The following ACBD6 variants were observed in gnomAD, a reference collection of about 807,000 sequenced individuals.
ACBD6 encodes acyl-CoA-binding domain-containing protein 6.
ACBD6 carries 28 observed loss-of-function variants against 37.2 expected under a neutral mutation model. That is an observed-to-expected ratio of 0.75 (90% CI 0.56 to 1.03). The LOEUF (loss-of-function observed/expected upper bound fraction) is 1.03, where lower values mean the gene tolerates loss of function less well. Among genes scored for constraint, ACBD6 ranks in the 50% least tolerant of loss-of-function variants. ACBD6 has a pLI of 0.00. For missense variants in ACBD6, 340 were observed against 337.4 expected (o/e 1.01, Z -0.06); for synonymous variants, 113 against 126.8 (o/e 0.89, Z 0.73).
intron 7 of ACBD6, among the ~76,000 whole-genome samples, chr1:180,312,642 A>G (rs913276381): frequency 2.0e-5 from 3 of 152,220 alleles, no homozygotes; most frequent in African/African-American, 7.2e-5. Flanking sequence ...AAAATGCTTC[A>G]CACATTCCAT....
At chr1:180,392,833 T>C (rs1192452977) in intron 6 of ACBD6, among the ~76,000 whole-genome samples, 1 of 152,120 alleles carries the variant, frequency 6.6e-6, no homozygotes, top group Admixed American at 6.5e-5. Context: ...GCAGGGCTAG[T>C]CTATAAACCG....
chr1:180,441,221 C>A (rs575244892), intron 3 of ACBD6, among the ~76,000 whole-genome samples: 1 of 152,240 alleles, frequency 6.6e-6, no homozygotes, highest in East Asian at 1.9e-4. Flanking sequence ...TTTTTTATTG[C>A]GGACACCCTA....
chr1:180,496,424 C>G (rs1363449735), intron 1 of ACBD6, among the ~76,000 whole-genome samples: 2 of 152,144 alleles, frequency 1.3e-5, no homozygotes, highest in African/African-American at 4.8e-5. Flanking sequence ...ATCCACAGAA[C>G]CTATCTACTT....
At chr1:180,345,376 G>C (rs1301904618) in intron 6 of ACBD6, among the ~76,000 whole-genome samples, 3 of 152,094 alleles carry the variant, frequency 2.0e-5, no homozygotes, top group Non-Finnish European at 2.9e-5. Context: ...CTCCTCTACA[G>C]AAGGTGCTAT....
chr1:180,464,825 T>A (rs1289166544), intron 3 of ACBD6, among the ~76,000 whole-genome samples: 1 of 152,148 alleles, frequency 6.6e-6, no homozygotes, highest in Non-Finnish European at 1.5e-5. Flanking sequence ...ATGGTACTTG[T>A]ATAAAAACAG....
In ACBD6 at chr1:180,497,188, A is replaced by T. The variant is rs1651772636; in HGVS notation, c.223-1663T>A. ...AACTATTTTTGTTTTTTATCCAGAC[A>T]CTATCCAGTGGCAGAAACAAATGCC... On this transcript the variant is annotated intron_variant, in intron 1 of 7. Transcript: ENST00000367595. Among the ~76,000 whole-genome samples the T allele has an allele frequency of 2.0e-5, 3 of 152,210 alleles. No individual in the cohort carries two copies. The South Asian group carries it at 6.2e-4, about 32-fold the overall frequency.
chr1:180,323,407 T>C (rs575350687), intron 6 of ACBD6, among the ~76,000 whole-genome samples: 2 of 152,218 alleles, frequency 1.3e-5, no homozygotes, highest in South Asian at 4.1e-4. Context: ...TCTGTAAATA[T>C]CTGTTAGATT....
At chr1:180,289,038 TAAAAA>T (rs11353397) in intron 7 of ACBD6, among the ~76,000 whole-genome samples, 1 of 102,964 alleles carries the variant, frequency 9.7e-6, no homozygotes, top group Non-Finnish European at 2.1e-5. Flanking sequence ...CTACAGGAAC[TAAAAA>T]AAAAAAAAAA....
chr1:180,431,864 G>A (rs142914665), intron 3 of ACBD6, among the ~76,000 whole-genome samples: 15 of 152,224 alleles, frequency 9.9e-5, no homozygotes, highest in Non-Finnish European at 1.3e-4. Flanking sequence ...GGAAAATCTA[G>A]GTGATACTGG....
At chr1:180,304,057 C>T (rs551497864) in intron 7 of ACBD6, among the ~76,000 whole-genome samples, 11 of 150,860 alleles carry the variant, frequency 7.3e-5, no homozygotes, top group Admixed American at 2.0e-4. Context: ...AATTCAACAA[C>T]GCTTCATGCT....
At chr1:180,400,542 T>C (rs951949965) in intron 5 of ACBD6, among the ~76,000 whole-genome samples, 8 of 152,184 alleles carry the variant, frequency 5.3e-5, no homozygotes, top group Non-Finnish European at 1.0e-4. Context: ...TTAAACATAC[T>C]TGTAAATAAA....
chr1:180,387,290 C>T (rs1045135040), intron 6 of ACBD6, among the ~76,000 whole-genome samples: 7 of 152,132 alleles, frequency 4.6e-5, no homozygotes, highest in African/African-American at 1.7e-4. Flanking sequence ...TAAAGCATTG[C>T]TTTCTCCAGC....
intron 4 of ACBD6, among the ~76,000 whole-genome samples, chr1:180,420,814 G>T (rs1291034929): frequency 6.6e-6 from 1 of 151,922 alleles, no homozygotes; most frequent in African/African-American, 2.4e-5. Flanking sequence ...AGTTTTATAG[G>T]TAAGTATAGT....
chr1:180,287,188 G>A (rs903905168), downstream of ACBD6: 26 of 64,668 alleles, frequency 4.0e-4, no homozygotes, highest in Admixed American at 8.4e-4. Context: ...ACTGCTTGAG[G>A]CCAGGAGTTT....
intron 3 of ACBD6, among the ~76,000 whole-genome samples, chr1:180,442,587 T>A (rs1649323486): frequency 6.6e-6 from 1 of 152,218 alleles, no homozygotes; most frequent in Non-Finnish European, 1.5e-5. Flanking sequence ...GGGTCTCCAA[T>A]TATATGAATG....
intron 6 of ACBD6, among the ~76,000 whole-genome samples, chr1:180,356,128 C>T (rs1652620644): frequency 6.6e-6 from 1 of 152,006 alleles, no homozygotes; most frequent in Admixed American, 6.6e-5. Context: ...GTGCCTCGGC[C>T]TCCCAAAGTG....
intron 3 of ACBD6, among the ~76,000 whole-genome samples, chr1:180,462,446 TC>T (rs1324322817): frequency 6.6e-6 from 1 of 152,018 alleles, no homozygotes; most frequent in East Asian, 1.9e-4. Context: ...ATCTTAAGTT[TC>T]CAACAGACTT....
At chr1:180,482,509 TA>T (rs11377292) in intron 3 of ACBD6, among the ~76,000 whole-genome samples, 421 of 139,830 alleles carry the variant, frequency 3.0e-3, no homozygotes, top group East Asian at 2.6e-3. Flanking sequence ...TCTAAGAAGT[TA>T]AAAAAAAAAA....
At chr1:180,296,731 A>C (rs1649934201) in intron 7 of ACBD6, among the ~76,000 whole-genome samples, 1 of 151,068 alleles carries the variant, frequency 6.6e-6, no homozygotes, top group African/African-American at 2.4e-5. Flanking sequence ...ATGTCCAGCC[A>C]ACAGATTTTC....
Sources: allele counts gnomAD v4.1 joint callset (sites outside exome capture counted in the v4.1 genomes callset), GRCh38; gene constraint gnomAD v4.1.1; transcripts MANE v1.5; gene names NCBI Gene and HGNC (gene_info 2026-07-23, HGNC 2026-07-21).